The following MAGI2 variants were observed in gnomAD, a reference collection of about 807,000 sequenced individuals.
MAGI2 encodes the protein membrane-associated guanylate kinase, WW and PDZ domain-containing protein 2.
MAGI2 carries 35 observed loss-of-function variants against 133.3 expected under a neutral mutation model. That is an observed-to-expected ratio of 0.26 (90% CI 0.20 to 0.35). MAGI2 has a LOEUF of 0.35. Among genes scored for constraint, MAGI2 ranks in the 10% least tolerant of loss-of-function variants. The probability of loss-of-function intolerance (pLI) is 1.00; values close to 1 mark genes in which losing one functional copy is unlikely to be tolerated. For synonymous variants in MAGI2, 729 were observed against 710.6 expected (o/e 1.03, Z -0.41); for missense variants, 1,636 against 1,863.4 (o/e 0.88, Z 2.25).
intron 6 of MAGI2, among the ~76,000 whole-genome samples, chr7:78,406,790 G>C (rs1437120364): frequency 6.6e-6 from 1 of 152,056 alleles, no homozygotes. Context: ...TAAGGATAAA[G>C]CTGTGAGCTC....
intron 2 of MAGI2, among the ~76,000 whole-genome samples, chr7:78,839,224 C>G (rs910698874): frequency 1.3e-5 from 2 of 152,016 alleles, no homozygotes; most frequent in African/African-American, 4.8e-5. Context: ...TTTCTCTAAA[C>G]TTCAGAATTT....
At chr7:78,558,837 G>A (rs967419726) in intron 3 of MAGI2, among the ~76,000 whole-genome samples, 94 of 130,024 alleles carry the variant, frequency 7.2e-4, no homozygotes, top group Middle Eastern at 4.1e-3. Context: ...TTGAGACACC[G>A]TTTTTTTTTT....
At chr7:78,324,463 T>G (rs994189437) in intron 9 of MAGI2, among the ~76,000 whole-genome samples, 1 of 152,214 alleles carries the variant, frequency 6.6e-6, no homozygotes, top group African/African-American at 2.4e-5. Flanking sequence ...TGGTGTGATC[T>G]TGAGCTAGTT....
At chr7:79,098,665 T>C (rs953970694) in intron 1 of MAGI2, among the ~76,000 whole-genome samples, 9 of 152,198 alleles carry the variant, frequency 5.9e-5, no homozygotes, top group Non-Finnish European at 2.9e-5. Flanking sequence ...TTTTGTATAT[T>C]GTTCCAAATG....
chr7:78,271,325 GC>G (rs1215134373), intron 9 of MAGI2, among the ~76,000 whole-genome samples: 6 of 152,160 alleles, frequency 3.9e-5, no homozygotes, highest in Non-Finnish European at 5.9e-5. Flanking sequence ...TGGAGGATAA[GC>G]TTTTTGACGT....
intron 1 of MAGI2, among the ~76,000 whole-genome samples, chr7:79,207,519 C>T (rs1423199906): frequency 7.2e-6 from 1 of 138,244 alleles, no homozygotes; most frequent in African/African-American, 3.5e-5. Flanking sequence ...GATGAAAGAT[C>T]TCAAATCAAA....
intron 1 of MAGI2, among the ~76,000 whole-genome samples, chr7:79,298,622 G>A (rs1205598661): frequency 6.6e-6 from 1 of 152,120 alleles, no homozygotes; most frequent in Non-Finnish European, 1.5e-5. Flanking sequence ...GTTAGGGCTA[G>A]ATAATTTAAG....
At chr7:78,308,210 C>T (rs1405486616) in intron 9 of MAGI2, among the ~76,000 whole-genome samples, 1 of 152,172 alleles carries the variant, frequency 6.6e-6, no homozygotes, top group African/African-American at 2.4e-5. Context: ...GCTGCTAAAA[C>T]TTCTTTGAGA....
chr7:79,187,204 T>C lies in MAGI2; in HGVS notation c.302-179998A>G, dbSNP rs183243172. Among the ~76,000 whole-genome samples, 40 of 151,890 alleles carry C rather than the reference T, an allele frequency of 2.6e-4. No individual in the cohort carries two copies. In the East Asian group the frequency reaches 6.2e-3, roughly 24 times the overall value. Reference sequence around the variant, plus strand: ...TATGATGACTTTAAAATGTATATAATTTAGTTTGAAATTTTAATACAAGAA... The same window carrying C: ...TATGATGACTTTAAAATGTATATAACTTAGTTTGAAATTTTAATACAAGAA... On this transcript the variant is annotated intron_variant, in intron 1 of 21. Transcript: ENST00000354212.
chr7:78,152,703 A>G (rs571908155), intron 16 of MAGI2, among the ~76,000 whole-genome samples: 6 of 152,172 alleles, frequency 3.9e-5, no homozygotes, highest in Non-Finnish European at 7.3e-5. Context: ...TTCGGCTTCA[A>G]TTAGTTATAT....
At chr7:79,146,591 T>C (rs990509725) in intron 1 of MAGI2, among the ~76,000 whole-genome samples, 2 of 152,206 alleles carry the variant, frequency 1.3e-5, no homozygotes, top group African/African-American at 2.4e-5. Context: ...CATACTCTTC[T>C]TGTGGTAATG....
chr7:78,721,766 T>C (rs1820290244), intron 2 of MAGI2, among the ~76,000 whole-genome samples: 1 of 151,944 alleles, frequency 6.6e-6, no homozygotes, highest in African/African-American at 2.4e-5. Flanking sequence ...TAGCATCCAA[T>C]GAGTATTAGA....
intron 2 of MAGI2, among the ~76,000 whole-genome samples, chr7:78,707,123 T>A (rs970009414): frequency 1.3e-5 from 2 of 152,066 alleles, no homozygotes; most frequent in African/African-American, 4.8e-5. Context: ...CACCCTTAAC[T>A]TAATTAGGGG....
chr7:78,443,369 C>T lies in MAGI2; in HGVS notation c.1045+46392G>A, dbSNP rs2362597. Among the ~76,000 whole-genome samples, 7 of 152,158 alleles carry T rather than the reference C, an allele frequency of 4.6e-5. No homozygotes were observed. The South Asian group carries it at 1.0e-3, about 23-fold the overall frequency. On this transcript the variant is annotated intron_variant, in intron 6 of 21. Transcript: ENST00000354212. ...GTGGTAGCAAGCAGTGTTTGAAATT[C>T]GAAACCCTGCTTCTGAGTTAGACAC...
chr7:79,114,999 T>C (rs1819267387), intron 1 of MAGI2, among the ~76,000 whole-genome samples: 2 of 152,230 alleles, frequency 1.3e-5, no homozygotes, highest in Non-Finnish European at 2.9e-5. Flanking sequence ...TATATGACTT[T>C]CATCAAAGCA....
intron 16 of MAGI2, among the ~76,000 whole-genome samples, chr7:78,152,746 C>G (rs3735445): frequency 0.19 from 28,921 of 152,124 alleles, 2,912 homozygotes; most frequent in East Asian, 0.34. Context: ...AAAACCAGTA[C>G]TTTATATAGG....
At chr7:78,261,285 C>G (rs1793494841) in intron 9 of MAGI2, among the ~76,000 whole-genome samples, 1 of 152,106 alleles carries the variant, frequency 6.6e-6, no homozygotes, top group Non-Finnish European at 1.5e-5. Context: ...TTACTTGCCT[C>G]TAGTTAAATT....
chr7:78,736,839 G>A (rs1337344691), intron 2 of MAGI2, among the ~76,000 whole-genome samples: 2 of 152,096 alleles, frequency 1.3e-5, no homozygotes, highest in Non-Finnish European at 2.9e-5. Flanking sequence ...TAAAAAAAAT[G>A]TTAAATCATA....
chr7:78,326,937 T>C (rs1427756042), intron 9 of MAGI2, among the ~76,000 whole-genome samples: 1 of 152,128 alleles, frequency 6.6e-6, no homozygotes, highest in Non-Finnish European at 1.5e-5. Flanking sequence ...TTTCTCTCTC[T>C]CTCTTTAACT....
Sources: allele counts gnomAD v4.1 joint callset (sites outside exome capture counted in the v4.1 genomes callset), GRCh38; gene constraint gnomAD v4.1.1; transcripts MANE v1.5; gene names NCBI Gene and HGNC (gene_info 2026-07-23, HGNC 2026-07-21).